TYW3: variants seen among roughly 807,000 people sequenced by gnomAD.
TYW3 encodes tRNA-yW synthesizing protein 3 homolog, also known as tRNA wybutosine-synthesizing protein 3 homolog.
TYW3 carries 26 observed loss-of-function variants against 23.1 expected under a neutral mutation model. The observed-to-expected ratio is 1.13, with a 90% CI of 0.83 to 1.56. The LOEUF is 1.56. TYW3 is among the 40% of genes most tolerant of loss of function. The probability of loss-of-function intolerance (pLI) is 0.00; values close to 1 mark genes in which losing one functional copy is unlikely to be tolerated. For missense variants in TYW3, 316 were observed against 311.9 expected, an observed-to-expected ratio of 1.01 and a Z score of -0.10; for synonymous variants, 102 against 105.7, an observed-to-expected ratio of 0.97 and a Z score of 0.21.
intron 2 of TYW3, 50 bp from the exon 3 acceptor site, chr1:74,738,640 C>T: frequency 7.3e-7 from 1 of 1,366,196 alleles, no homozygotes; most frequent in Non-Finnish European, 1.0e-6. Context: ...AAAGGGTCGC[C>T]AAAGGACAGG....
intron 5 of TYW3, among the ~76,000 whole-genome samples, chr1:74,754,737 C>T (rs1648899094): frequency 6.6e-6 from 1 of 151,970 alleles, no homozygotes; most frequent in South Asian, 2.1e-4. Context: ...TCATGAGAAA[C>T]AATTCCTAAG....
rs61741065 is a variant in TYW3, at chr1:74,752,306, A to T, written c.441A>T (p.Thr147=). The T allele has an allele frequency of 6.7e-3, 10,738 of 1,610,700 alleles. 474 individuals carry two copies. The African/African-American group carries it at 0.11, about 16-fold the overall frequency. Residue 147 remains threonine, a synonymous_variant, in exon 5 of 6, where the codon ACA becomes ACT. Transcript: ENST00000370867. ...TTTCCTTGTAGGCTGTCCGGAGTAC[A>T]CATGGCTTAGAAGTTCCATTAAGCC... ...RGKTMLAVRS[T]HGLEVPLSHK...
At chr1:74,737,196 T>C (rs1648183202) in intron 2 of TYW3, among the ~76,000 whole-genome samples, 4 of 152,224 alleles carry the variant, frequency 2.6e-5, no homozygotes, top group Non-Finnish European at 5.9e-5. Flanking sequence ...CGAATGGAGC[T>C]AGAATCAAGT....
intron 3 of TYW3, among the ~76,000 whole-genome samples, chr1:74,748,029 T>G (rs1648648657): frequency 6.6e-6 from 1 of 152,132 alleles, no homozygotes; most frequent in Non-Finnish European, 1.5e-5. Flanking sequence ...GCATTTCAGG[T>G]CAAATAATTA....
intron 4 of TYW3, 45 bp downstream of exon 4, chr1:74,748,867 C>G (rs200855348): frequency 6.5e-7 from 1 of 1,544,474 alleles, no homozygotes; most frequent in Non-Finnish European, 8.9e-7. Flanking sequence ...GTAAAGTGAT[C>G]CAGAAATTGA....
At chr1:74,734,718 T>C (rs1333210130) in intron 1 of TYW3, among the ~76,000 whole-genome samples, 1 of 152,214 alleles carries the variant, frequency 6.6e-6, no homozygotes, top group Admixed American at 6.5e-5. Flanking sequence ...TTAGGAAAGC[T>C]ATCTCAACTC....
chr1:74,734,181 T>A (rs1221994962), intron 1 of TYW3: 1 of 152,138 alleles, frequency 6.6e-6, no homozygotes, highest in Admixed American at 6.5e-5. Flanking sequence ...AATAAACAAT[T>A]AGTAAGTTTT....
chr1:74,752,447 A>C (rs770674415), intron 5 of TYW3, 22 bp downstream of exon 5: 1 of 1,607,310 alleles, frequency 6.2e-7, no homozygotes, highest in Non-Finnish European at 8.5e-7. Context: ...GGGTATTTCC[A>C]TGTTATTCTT....
At chr1:74,757,645 G>A (rs374667032) in intron 5 of TYW3, among the ~76,000 whole-genome samples, 1 of 152,172 alleles carries the variant, frequency 6.6e-6, no homozygotes, top group Non-Finnish European at 1.5e-5. Flanking sequence ...ATGAGACTTT[G>A]GACTATGGAC....
In TYW3 at chr1:74,763,981, T is replaced by C. The variant is rs1390283488; in HGVS notation, c.648T>C (p.Tyr216=). The C allele has an allele frequency of 1.9e-6, 3 of 1,610,672 alleles. No individual in the cohort carries two copies. In the African/African-American group the frequency reaches 4.0e-5, roughly 22 times the overall value. The change falls in exon 6 of 6, where the codon TAT becomes TAC. Residue 216 remains tyrosine, a synonymous_variant. Coordinates refer to ENST00000370867, the MANE Select transcript of TYW3 (RefSeq NM_138467.3). ...TCAAAGAGAAAAATAACTCATCATATATTCATAAGAAAAAAAGAAACCCAG... is the reference window on the plus strand; with the variant it reads ...TCAAAGAGAAAAATAACTCATCATACATTCATAAGAAAAAAAGAAACCCAG... ...PKIKEKNNSS[Y]IHKKKRNPEK...
intron 3 of TYW3, among the ~76,000 whole-genome samples, chr1:74,745,999 C>A (rs1320858753): frequency 6.6e-6 from 1 of 152,188 alleles, no homozygotes; most frequent in Non-Finnish European, 1.5e-5. Flanking sequence ...CTAATTAACA[C>A]CTTAAAGGCC....
intron 3 of TYW3, among the ~76,000 whole-genome samples, chr1:74,744,655 G>A (rs1648492871): frequency 6.6e-6 from 1 of 152,184 alleles, no homozygotes; most frequent in Non-Finnish European, 1.5e-5. Context: ...CATCTGGGTT[G>A]CCAAAATGTG....
chr1:74,746,579 C>T (rs1052441459), intron 3 of TYW3, among the ~76,000 whole-genome samples: 8 of 152,212 alleles, frequency 5.3e-5, no homozygotes, highest in Non-Finnish European at 1.0e-4. Flanking sequence ...CACTCATTCA[C>T]AGCCCCTTTT....
intron 5 of TYW3, among the ~76,000 whole-genome samples, chr1:74,757,375 T>G (rs1184083379): frequency 2.0e-5 from 3 of 152,180 alleles, no homozygotes. Flanking sequence ...TGCCCAAGAC[T>G]ATGGGAACCC....
At chr1:74,759,566 C>T (rs572021675) in intron 5 of TYW3, among the ~76,000 whole-genome samples, 5 of 152,076 alleles carry the variant, frequency 3.3e-5, no homozygotes, top group Non-Finnish European at 7.4e-5. Flanking sequence ...AAATAACACA[C>T]ATTTCCCTGT....
At chr1:74,734,645 C>T (rs1165827219) in intron 1 of TYW3, among the ~76,000 whole-genome samples, 1 of 152,024 alleles carries the variant, frequency 6.6e-6, no homozygotes, top group East Asian at 1.9e-4. Context: ...GGGACATATC[C>T]CCTGAGGATA....
intron 1 of TYW3, chr1:74,736,328 T>G (rs1648152124): frequency 2.7e-6 from 1 of 368,650 alleles, no homozygotes; most frequent in African/African-American, 2.1e-5. Flanking sequence ...ATCAAGTAGT[T>G]TTACCTTTCA....
In TYW3 at chr1:74,764,204, C is replaced by A; in HGVS notation, c.*91C>A. 8.7e-7 allele frequency: 1 copy of A among 1,151,244 alleles called. No individual in the cohort carries two copies. The highest frequency in any genetic ancestry group is 1.5e-5 in the South Asian group (1 of 66,076). The allele number at this position is 1,151,244 out of a possible 1,614,324, so 71.3% of individuals were successfully genotyped here. A position where few individuals can be genotyped will look rare whatever the true frequency, so the allele number is the denominator to read the frequency against. On this transcript the variant is annotated 3_prime_UTR_variant, in exon 6 of 6. Coordinates refer to ENST00000370867, the MANE Select transcript of TYW3 (RefSeq NM_138467.3). ...GAGTATTTTAGTTTGTTGAGTGTAT[C>A]AGCCATTCATAAGCCAGTAATGACA... is the stretch of plus-strand genomic sequence containing the variant.
At chr1:74,757,958 ATC>A (rs1413650403) in intron 5 of TYW3, among the ~76,000 whole-genome samples, 5 of 152,172 alleles carry the variant, frequency 3.3e-5, no homozygotes, top group African/African-American at 4.8e-5. Context: ...AGTCCATTAA[ATC>A]TCTTTCTTTT....
Sources: allele counts gnomAD v4.1 joint callset (sites outside exome capture counted in the v4.1 genomes callset), GRCh38; gene constraint gnomAD v4.1.1; transcripts MANE v1.5; gene names NCBI Gene and HGNC (gene_info 2026-07-23, HGNC 2026-07-21).